The following MND1 variants were observed in gnomAD, a reference collection of about 807,000 sequenced individuals.
MND1 encodes the protein meiotic nuclear divisions 1.
Under a neutral mutation model 35.1 loss-of-function variants are expected in MND1, and 28 were observed. That is an observed-to-expected ratio of 0.80 (90% CI 0.59 to 1.09). MND1 has a LOEUF of 1.09. Among genes scored for constraint, MND1 ranks in the 50% least tolerant of loss-of-function variants. The pLI, the probability that MND1 is intolerant of heterozygous loss-of-function variation, is 0.00. For synonymous variants in MND1, 69 were observed against 70.5 expected (o/e 0.98, Z 0.11); for missense variants, 213 against 239.6 (o/e 0.89, Z 0.73).
rs771399203 is a variant in MND1 at position 153,397,278 on chromosome 4, A to G, written c.411A>G (p.Leu137=). Residue 137 remains leucine, a synonymous_variant, in exon 6 of 8, where the codon CTA becomes CTG. Transcript: ENST00000240488. ...LSSLRDQREQ[L]KAEVEKYKDC... is the part of the protein sequence containing the mutation. ...CACTTCGAGACCAAAGGGAACAGCT[A>G]AAGGCAGAAGTAGAAAAATACAAAG... The G allele has an allele frequency of 7.4e-6, 12 of 1,613,268 alleles. No individual in the cohort carries two copies. The highest frequency in any genetic ancestry group is 2.2e-5 in the East Asian group (1 of 44,848).
At chr4:153,409,798 A>T (rs1037976413) in intron 7 of MND1, among the ~76,000 whole-genome samples, 1 of 152,050 alleles carries the variant, frequency 6.6e-6, no homozygotes, top group Non-Finnish European at 1.5e-5. Flanking sequence ...TTTATTTATT[A>T]CAAAGTTATT....
intron 7 of MND1, among the ~76,000 whole-genome samples, chr4:153,414,151 G>A (rs1412498313): frequency 6.6e-6 from 1 of 152,144 alleles, no homozygotes; most frequent in Non-Finnish European, 1.5e-5. Flanking sequence ...GGCCTCTGCT[G>A]TGGAAATGTA....
intron 4 of MND1, among the ~76,000 whole-genome samples, chr4:153,384,258 CTTTTTTTTT>C (rs35214226): frequency 0.035 from 1,934 of 55,374 alleles, 59 homozygotes; most frequent in East Asian, 0.15. Context: ...CTACTTTCTG[CTTTTTTTTT>C]TTTTTTTTTT....
In MND1 at chr4:153,358,510, T is replaced by C. The variant is rs1773400725; in HGVS notation, c.164T>C (p.Val55Ala). Reference sequence around the variant, plus strand: ...GTAAAAGAAGTCCTTCAAAGCTTAGTTGATGATGGTATGGTTGACTGTGAG... The same window carrying C: ...GTAAAAGAAGTCCTTCAAAGCTTAGCTGATGATGGTATGGTTGACTGTGAG... ...MSVKEVLQSLVDDGMVDCERI... is the reference protein window; with the variant it reads ...MSVKEVLQSLADDGMVDCERI... The change falls in exon 4 of 8, where the codon GTT (valine) becomes GCT (alanine). Residue 55 changes from valine to alanine, a missense_variant. Val to Ala is a moderately conservative substitution (Grantham distance 64, BLOSUM62 0). Coordinates refer to ENST00000240488, the MANE Select transcript of MND1 (RefSeq NM_032117.4). 1.9e-6 allele frequency: 3 copies of C among 1,611,656 alleles called. No individual in the cohort carries two copies. The highest frequency in any genetic ancestry group is 1.6e-4 in the Middle Eastern group (1 of 6,070).
At chr4:153,391,388 T>A (rs1014046265) in intron 4 of MND1, among the ~76,000 whole-genome samples, 4 of 152,054 alleles carry the variant, frequency 2.6e-5, no homozygotes, top group Non-Finnish European at 5.9e-5. Flanking sequence ...ATATTAACTT[T>A]TAAATTATGA....
At chr4:153,350,695 C>T (rs1288226326) in intron 2 of MND1, among the ~76,000 whole-genome samples, 2 of 152,158 alleles carry the variant, frequency 1.3e-5, no homozygotes, top group African/African-American at 2.4e-5. Context: ...ACCCAGGTAC[C>T]TGGCTCTACA....
At chr4:153,378,263 T>C (rs967558051) in intron 4 of MND1, among the ~76,000 whole-genome samples, 1 of 152,228 alleles carries the variant, frequency 6.6e-6, no homozygotes, top group African/African-American at 2.4e-5. Flanking sequence ...GTTATTTTAG[T>C]AATCTTGATT....
chr4:153,408,753 A>G (rs1466556323), intron 6 of MND1, among the ~76,000 whole-genome samples: 2 of 151,938 alleles, frequency 1.3e-5, no homozygotes, highest in East Asian at 3.9e-4. Flanking sequence ...ATACTACTGC[A>G]ACTCCCTAAA....
intron 4 of MND1, among the ~76,000 whole-genome samples, chr4:153,371,996 G>T (rs1773800784): frequency 6.6e-6 from 1 of 152,068 alleles, no homozygotes; most frequent in Non-Finnish European, 1.5e-5. Context: ...AAGGAATAGG[G>T]AAGGCCAAGG....
At position 153,397,295 on chromosome 4, in the gene MND1, A is replaced by T; in HGVS notation, c.428A>T (p.Lys143Ile). The T allele has an allele frequency of 1.2e-6, 2 of 1,613,056 alleles. No individual in the cohort carries two copies. The highest frequency in any genetic ancestry group is 1.7e-6 in the Non-Finnish European group (2 of 1,179,442). ...GAACAGCTAAAGGCAGAAGTAGAAA[A>T]ATACAAAGACTGTGATCCGCAAGTT... ...QREQLKAEVE[K>I]YKDCDPQVVE... Residue 143 changes from lysine (K) to isoleucine (I), a missense_variant, in exon 6 of 8, where the codon AAA becomes ATA. Lys to Ile is a moderately radical substitution (Grantham distance 102). Coordinates refer to ENST00000240488, the MANE Select transcript of MND1 (RefSeq NM_032117.4).
chr4:153,414,533 T>G (rs1729781378), intron 7 of MND1, among the ~76,000 whole-genome samples: 2 of 152,102 alleles, frequency 1.3e-5, no homozygotes, highest in South Asian at 4.1e-4. Context: ...TCACCCTGCC[T>G]CGGCCTCCCA....
chr4:153,362,656 A>G (rs774743873), intron 4 of MND1, among the ~76,000 whole-genome samples: 8 of 152,102 alleles, frequency 5.3e-5, no homozygotes, highest in Non-Finnish European at 1.2e-4. Context: ...AAATATGTCA[A>G]ATTTGGGGAG....
At chr4:153,363,063 C>G in intron 4 of MND1, 1 of 969,656 alleles carries the variant, frequency 1.0e-6, no homozygotes, top group Non-Finnish European at 1.2e-6. Context: ...TTTGCTGGTA[C>G]TTTGAGCTAT....
rs558841684 is a variant in MND1, at chr4:153,371,568, T to G, written c.276+12946T>G. ...AGTCAACCTCTTCTAGCTTCCAACT[T>G]TTTCTGTGCAGCTTCCTCACCTCTC... On this transcript the variant is annotated intron_variant, in intron 4 of 7. Coordinates refer to ENST00000240488, the MANE Select transcript of MND1 (RefSeq NM_032117.4). Among the ~76,000 whole-genome samples, 31 of 152,176 alleles carry G rather than the reference T, an allele frequency of 2.0e-4. No individual in the cohort carries two copies. In the East Asian group the frequency reaches 5.4e-3, roughly 27 times the overall value.
intron 7 of MND1, among the ~76,000 whole-genome samples, chr4:153,414,123 TC>T (rs1187397845): frequency 2.0e-5 from 3 of 151,982 alleles, no homozygotes; most frequent in African/African-American, 7.3e-5. Flanking sequence ...CAACTTTAAT[TC>T]CTGAGGCAAC....
rs1189599286 is a variant in MND1 at position 153,345,335 on chromosome 4, T to G, written c.3+595T>G. Reference sequence around the variant, plus strand: ...TCAGTTTCGAGTTACCTAATGGATCTTCACTGTGTGCCAATTAGTCGATTT... The same window carrying G: ...TCAGTTTCGAGTTACCTAATGGATCGTCACTGTGTGCCAATTAGTCGATTT... On this transcript the variant is annotated intron_variant, in intron 1 of 7. Coordinates refer to ENST00000240488, the MANE Select transcript of MND1 (RefSeq NM_032117.4). The G allele has an allele frequency of 7.1e-6, 7 of 985,386 alleles. No homozygotes were observed. In the African/African-American group the frequency reaches 1.0e-4, roughly 15 times the overall value. 61.0% of individuals were successfully genotyped at this position (985,386 alleles called of 1,614,324 possible).
intron 6 of MND1, among the ~76,000 whole-genome samples, chr4:153,397,764 G>T (rs1356747332): frequency 6.6e-6 from 1 of 152,130 alleles, no homozygotes; most frequent in African/African-American, 2.4e-5. Flanking sequence ...AAGCTGCAGT[G>T]TGCTATACGT....
intron 6 of MND1, among the ~76,000 whole-genome samples, chr4:153,407,480 A>G (rs535437175): frequency 6.6e-6 from 1 of 152,286 alleles, no homozygotes; most frequent in African/African-American, 2.4e-5. Flanking sequence ...ATAGAAAATA[A>G]TAAGTGATGA....
intron 4 of MND1, among the ~76,000 whole-genome samples, chr4:153,359,419 T>G (rs868846886): frequency 6.6e-6 from 1 of 152,224 alleles, no homozygotes; most frequent in South Asian, 2.1e-4. Context: ...TACCACAGTT[T>G]GTTTATCCAT....
Sources: allele counts gnomAD v4.1 joint callset (sites outside exome capture counted in the v4.1 genomes callset), GRCh38; gene constraint gnomAD v4.1.1; transcripts MANE v1.5; gene names NCBI Gene and HGNC (gene_info 2026-07-23, HGNC 2026-07-21).